Variants in KIRREL3 observed in about 807,000 individuals in gnomAD.
KIRREL3 encodes kirre like nephrin family adhesion molecule 3.
In KIRREL3, 36 loss-of-function variants were observed where a neutral mutation model predicts 89.7. The observed-to-expected ratio is 0.40, with a 90% CI of 0.31 to 0.53. The LOEUF is 0.53. Among genes scored for constraint, KIRREL3 ranks in the 20% least tolerant of loss-of-function variants. The pLI is 0.49. For synonymous variants in KIRREL3, 445 were observed against 441.4 expected (o/e 1.01, Z -0.10); for missense variants, 864 against 1,056.6 (o/e 0.82, Z 2.53).
At chr11:126,809,532 G>C (rs1003238892) in intron 1 of KIRREL3, among the ~76,000 whole-genome samples, 1 of 152,210 alleles carries the variant, frequency 6.6e-6, no homozygotes, top group Non-Finnish European at 1.5e-5. Flanking sequence ...AAAGAAGGGA[G>C]AGGCAACAAG....
intron 1 of KIRREL3, among the ~76,000 whole-genome samples, chr11:126,717,705 G>C (rs1948020760): frequency 6.6e-6 from 1 of 152,128 alleles, no homozygotes; most frequent in Admixed American, 6.5e-5. Flanking sequence ...TATTCTTCAT[G>C]TTGAGCCACA....
rs1051447994 is a variant in KIRREL3, at chr11:126,563,603, G to A, written c.56-691C>T. ...GACTTAGAGCACAGGGGTCGAGATA[G>A]CTGAGAGACACGGACTCCACAGGGC... On this transcript the variant is annotated intron_variant, in intron 1 of 16. Coordinates refer to ENST00000525144, the MANE Select transcript of KIRREL3 (RefSeq NM_032531.4). This position sits in a 1 kb window ranked among gnomAD's most constrained non-coding sequence, Gnocchi z 6.8. 6.6e-6 allele frequency among the ~76,000 whole-genome samples: 1 copy of A among 152,200 alleles called. No individual in the cohort carries two copies. The highest frequency in any genetic ancestry group is 1.5e-5 in the Non-Finnish European group (1 of 68,044).
chr11:126,840,669 G>A (rs1943935698), intron 1 of KIRREL3, among the ~76,000 whole-genome samples: 1 of 152,202 alleles, frequency 6.6e-6, no homozygotes, highest in Non-Finnish European at 1.5e-5. Flanking sequence ...AAAATCTTGT[G>A]CAGAACAGCT....
intron 1 of KIRREL3, among the ~76,000 whole-genome samples, chr11:126,973,945 T>C (rs2135223602): frequency 6.6e-6 from 1 of 152,262 alleles, no homozygotes. Context: ...TTTCTCTCCC[T>C]ACCAGAAGAG....
At position 126,423,507 on chromosome 11, in the gene KIRREL3, C is replaced by A. The variant is rs1954803539; in HGVS notation, c.*1073G>T. ...CAGAACAAACATGTTGGAGTAGTGT[C>A]CCTAACATTTATTTCAGGTGGTGAC... On this transcript the variant is annotated 3_prime_UTR_variant, in exon 17 of 17. Transcript: ENST00000525144. 6.6e-6 allele frequency: 1 copy of A among 152,076 alleles called. No individual in the cohort carries two copies. The highest frequency in any genetic ancestry group is 1.5e-5 in the Non-Finnish European group (1 of 67,976). The allele number at this position is 152,076 out of a possible 1,614,324, so 9.4% of individuals were successfully genotyped here. A position where few individuals can be genotyped will look rare whatever the true frequency, so the allele number is the denominator to read the frequency against.
chr11:126,493,338 G>A (rs574792490), intron 4 of KIRREL3, among the ~76,000 whole-genome samples: 23 of 152,100 alleles, frequency 1.5e-4, no homozygotes, highest in African/African-American at 5.1e-4. Flanking sequence ...TGGCTAACAC[G>A]GTGAAACCCC....
At chr11:126,543,000 C>T (rs1217385513) in intron 2 of KIRREL3, among the ~76,000 whole-genome samples, 1 of 152,126 alleles carries the variant, frequency 6.6e-6, no homozygotes, top group African/African-American at 2.4e-5. Context: ...CATAGCACCC[C>T]GTGGAGCAGG....
intron 1 of KIRREL3, among the ~76,000 whole-genome samples, chr11:126,567,674 G>T (rs1940614673): frequency 1.3e-5 from 2 of 152,202 alleles, no homozygotes; most frequent in African/African-American, 2.4e-5. Context: ...GGCCACAAGT[G>T]ACAGGAAAGA....
At chr11:126,716,747 T>G (rs200787868) in intron 1 of KIRREL3, among the ~76,000 whole-genome samples, 1 of 8,440 alleles carries the variant, frequency 1.2e-4, no homozygotes, top group Non-Finnish European at 2.2e-4. Context: ...TGTGTGTGTG[T>G]TGGGGGGGGG....
intron 1 of KIRREL3, among the ~76,000 whole-genome samples, chr11:126,886,040 A>T (rs1565383812): frequency 1.3e-5 from 2 of 152,136 alleles, no homozygotes; most frequent in Non-Finnish European, 2.9e-5. Context: ...TCTCTAGCTC[A>T]ATGTCTTGAC....
At chr11:126,487,148 T>C (rs926651800) in intron 4 of KIRREL3, among the ~76,000 whole-genome samples, 20 of 152,300 alleles carry the variant, frequency 1.3e-4, no homozygotes, top group African/African-American at 4.6e-4. Flanking sequence ...TCTTTTGAGA[T>C]GACAGATTAG....
At position 126,455,851 on chromosome 11, in the gene KIRREL3, T is replaced by C. The variant is rs1956321373; in HGVS notation, c.848+498A>G. Among the ~76,000 whole-genome samples, 2 of 151,690 alleles carry C rather than the reference T, an allele frequency of 1.3e-5. No individual in the cohort carries two copies. The highest frequency in any genetic ancestry group is 4.8e-5 in the African/African-American group (2 of 41,270). On this transcript the variant is annotated intron_variant, in intron 7 of 16. Coordinates refer to ENST00000525144, the MANE Select transcript of KIRREL3 (RefSeq NM_032531.4). The surrounding 1 kb of genome is among the most constrained non-coding windows in gnomAD (Gnocchi z 6.4). ...AAACCAACAAACCAAACAGTGGTGC[T>C]TTTATCCGTGTTGTGAGCAAGAGAC... is the stretch of plus-strand genomic sequence containing the variant.
intron 1 of KIRREL3, among the ~76,000 whole-genome samples, chr11:126,882,187 C>T (rs777885739): frequency 2.6e-5 from 4 of 152,168 alleles, no homozygotes; most frequent in Non-Finnish European, 4.4e-5. Flanking sequence ...CTGAAGGATC[C>T]TTTCAAATGT....
chr11:126,765,460 T>G (rs772074012), intron 1 of KIRREL3, among the ~76,000 whole-genome samples: 4 of 152,230 alleles, frequency 2.6e-5, no homozygotes, highest in Non-Finnish European at 4.4e-5. Context: ...CGGCTTTTAC[T>G]CTTCCTTATT....
At chr11:126,470,993 A>C (rs964413619) in intron 5 of KIRREL3, among the ~76,000 whole-genome samples, 3 of 152,130 alleles carry the variant, frequency 2.0e-5, no homozygotes, top group Non-Finnish European at 4.4e-5. Flanking sequence ...GGCTGTTTAA[A>C]AATGTACCCA....
At position 126,501,701 on chromosome 11, in the gene KIRREL3, C is replaced by T. The variant is rs1007693069; in HGVS notation, c.433+19614G>A. Among the ~76,000 whole-genome samples the T allele has an allele frequency of 1.3e-5, 2 of 152,106 alleles. No individual in the cohort carries two copies. Among genetic ancestry groups the T allele is most frequent in the African/African-American group, 4.8e-5 (2 of 41,404 alleles). On this transcript the variant is annotated intron_variant, in intron 4 of 16. Transcript: ENST00000525144. The surrounding 1 kb of genome is among the most constrained non-coding windows in gnomAD (Gnocchi z 5.8). ...CTCATGCTTTCAAACTCACTTAAAC[C>T]CTCCTTAAAGCCTACACTTGCCAAC... is the stretch of plus-strand genomic sequence containing the variant.
intron 1 of KIRREL3, among the ~76,000 whole-genome samples, chr11:126,775,126 C>T (rs879435850): frequency 6.6e-6 from 1 of 152,186 alleles, no homozygotes; most frequent in Non-Finnish European, 1.5e-5. Context: ...CCCCAGGTCC[C>T]AGAACAGTTT....
chr11:126,732,907 G>A (rs1247278965), intron 1 of KIRREL3, among the ~76,000 whole-genome samples: 2 of 152,232 alleles, frequency 1.3e-5, no homozygotes, highest in East Asian at 1.9e-4. Context: ...TAAGTGTCTT[G>A]TTTGGGACTC....
chr11:126,837,213 G>T lies in KIRREL3; in HGVS notation c.55+163242C>A, dbSNP rs1943810529. Among the ~76,000 whole-genome samples, 1 of 152,178 alleles carries T rather than the reference G, an allele frequency of 6.6e-6. No individual in the cohort carries two copies. Among genetic ancestry groups the T allele is most frequent in the Admixed American group, 6.5e-5 (1 of 15,284 alleles). On this transcript the variant is annotated intron_variant, in intron 1 of 16. Transcript: ENST00000525144. This position sits in a 1 kb window ranked among gnomAD's most constrained non-coding sequence, Gnocchi z 4.7. ...CATCTAAAATCCAGTTTATTCAACT[G>T]TGAAATAGGTTTAATAAAACCAGCC...
Sources: gnomAD v4.1 joint callset for allele counts (sites outside exome capture counted in the v4.1 genomes callset) on GRCh38, gnomAD v4.1.1 for gene constraint, Gnocchi (gnomAD v3.1) non-coding constraint, MANE v1.5 for transcripts, NCBI Gene and HGNC (gene_info 2026-07-23, HGNC 2026-07-21) for gene names.